The following ITFG1 variants were observed in gnomAD, a reference collection of about 807,000 sequenced individuals.
ITFG1 encodes T-cell immunomodulatory protein.
A neutral mutation model predicts 81.8 loss-of-function variants in ITFG1; 34 were observed. That is an observed-to-expected ratio of 0.42 (90% CI 0.32 to 0.55). ITFG1 has a LOEUF of 0.55. ITFG1 is among the 20% of genes least tolerant of loss of function. The pLI is 0.17. For synonymous variants in ITFG1, 285 were observed against 270.6 expected, an observed-to-expected ratio of 1.05 and a Z score of -0.52; for missense variants, 672 against 755.4, an observed-to-expected ratio of 0.89 and a Z score of 1.29.
At chr16:47,320,079 G>A (rs779626463) in intron 8 of ITFG1, among the ~76,000 whole-genome samples, 1 of 152,148 alleles carries the variant, frequency 6.6e-6, no homozygotes, top group African/African-American at 2.4e-5. Context: ...GTGCCACCAC[G>A]CCCAGCAGAG....
At chr16:47,310,527 C>T (rs1001264462) in intron 10 of ITFG1, among the ~76,000 whole-genome samples, 8 of 152,104 alleles carry the variant, frequency 5.3e-5, no homozygotes, top group African/African-American at 1.9e-4. Flanking sequence ...ATGAGTTTAA[C>T]TACATTGGTT....
At chr16:47,428,409 A>G (rs1969050655) in intron 6 of ITFG1, among the ~76,000 whole-genome samples, 1 of 152,198 alleles carries the variant, frequency 6.6e-6, no homozygotes. Context: ...ATTTTCCATG[A>G]TAACAAGTTT....
At chr16:47,319,653 G>A (rs932739868) in intron 8 of ITFG1, among the ~76,000 whole-genome samples, 1 of 152,024 alleles carries the variant, frequency 6.6e-6, no homozygotes, top group African/African-American at 2.4e-5. Context: ...AACTGACCAC[G>A]TTTCTTGTTC....
intron 11 of ITFG1, among the ~76,000 whole-genome samples, chr16:47,259,943 T>TC: frequency 6.6e-6 from 1 of 151,452 alleles, no homozygotes; most frequent in East Asian, 1.9e-4. Flanking sequence ...GTAAATTTTT[T>TC]TTTTTTTTTT....
intron 13 of ITFG1, among the ~76,000 whole-genome samples, chr16:47,234,506 G>A (rs1257918144): frequency 6.6e-6 from 1 of 152,050 alleles, no homozygotes; most frequent in Non-Finnish European, 1.5e-5. Flanking sequence ...AATAATGATT[G>A]AGCAATTTCC....
chr16:47,310,457 T>A (rs1458166910), intron 10 of ITFG1, among the ~76,000 whole-genome samples: 1 of 152,182 alleles, frequency 6.6e-6, no homozygotes, highest in African/African-American at 2.4e-5. Flanking sequence ...AATAAAACGA[T>A]AAGGTATTAA....
chr16:47,205,531 G>A (rs764903652), intron 14 of ITFG1, among the ~76,000 whole-genome samples: 5 of 152,172 alleles, frequency 3.3e-5, no homozygotes. Flanking sequence ...CCTGGGAGAG[G>A]AGAAAAGGAT....
intron 14 of ITFG1, among the ~76,000 whole-genome samples, chr16:47,198,892 A>G (rs1212299138): frequency 6.6e-6 from 1 of 152,252 alleles, no homozygotes; most frequent in Non-Finnish European, 1.5e-5. Context: ...AAAGGGTCAA[A>G]AAACTAAAAA....
At chr16:47,171,963 G>A (rs902409195) in intron 14 of ITFG1, among the ~76,000 whole-genome samples, 1 of 152,124 alleles carries the variant, frequency 6.6e-6, no homozygotes, top group African/African-American at 2.4e-5. Context: ...AAGGAAAGTA[G>A]TTACCAATGT....
intron 5 of ITFG1, among the ~76,000 whole-genome samples, chr16:47,447,285 A>C (rs1202023724): frequency 2.6e-5 from 4 of 152,174 alleles, no homozygotes; most frequent in Non-Finnish European, 5.9e-5. Context: ...TGTTACTATC[A>C]ATTTTTTTTG....
At chr16:47,215,998 A>C (rs1233269729) in intron 14 of ITFG1, among the ~76,000 whole-genome samples, 1 of 152,190 alleles carries the variant, frequency 6.6e-6, no homozygotes, top group African/African-American at 2.4e-5. Context: ...ACAGGTAAAT[A>C]TTAGATATGA....
chr16:47,237,977 A>G lies in ITFG1; in HGVS notation c.1362T>C (p.Pro454=). Residue 454 remains proline (P), a synonymous_variant, in exon 13 of 18, where the codon CCT becomes CCC. Transcript: ENST00000320640. ...TAAATTTACTTACTGTTATCTTACG[A>G]GGACAGTCATTAGAACACAGACCAC... ...VLSGLCSNDC[P]RKITPFGVNQ... 6.9e-7 allele frequency: 1 copy of G among 1,452,866 alleles called. No homozygotes were observed. Among genetic ancestry groups the G allele is most frequent in the Non-Finnish European group, 9.4e-7 (1 of 1,063,092 alleles). The allele number at this position is 1,452,866 out of a possible 1,614,324, so 90.0% of individuals were successfully genotyped here.
chr16:47,306,966 C>T (rs936976667), intron 10 of ITFG1, among the ~76,000 whole-genome samples: 2 of 151,230 alleles, frequency 1.3e-5, no homozygotes, highest in South Asian at 2.1e-4. Context: ...TGGTGGCGGG[C>T]GCCTCTAGTC....
chr16:47,156,266 G>A (rs544549259), intron 17 of ITFG1, among the ~76,000 whole-genome samples: 8 of 152,096 alleles, frequency 5.3e-5, no homozygotes, highest in East Asian at 3.9e-4. Context: ...GTGAAACCCC[G>A]TCTCTACCAA....
chr16:47,325,649 C>A (rs1349810394), intron 8 of ITFG1, among the ~76,000 whole-genome samples: 3 of 152,104 alleles, frequency 2.0e-5, no homozygotes, highest in African/African-American at 7.2e-5. Context: ...GATATCACCA[C>A]CGATCCCACA....
chr16:47,276,475 A>G (rs910373970), intron 10 of ITFG1, among the ~76,000 whole-genome samples: 10 of 152,202 alleles, frequency 6.6e-5, no homozygotes, highest in African/African-American at 1.9e-4. Context: ...ATGTAATCAA[A>G]TCAATCAAGA....
At chr16:47,160,613 C>G (rs542476447) in intron 16 of ITFG1, among the ~76,000 whole-genome samples, 2 of 152,118 alleles carry the variant, frequency 1.3e-5, no homozygotes, top group South Asian at 4.1e-4. Flanking sequence ...AGGACTATAA[C>G]TGTTTCAATG....
At chr16:47,455,177 C>A (rs747591734) in intron 2 of ITFG1, among the ~76,000 whole-genome samples, 32 of 152,230 alleles carry the variant, frequency 2.1e-4, no homozygotes, top group Non-Finnish European at 3.8e-4. Flanking sequence ...ACATGCAGGG[C>A]AAAAGATAGT....
At chr16:47,388,474 T>C (rs1236368944) in intron 6 of ITFG1, among the ~76,000 whole-genome samples, 1 of 152,096 alleles carries the variant, frequency 6.6e-6, no homozygotes, top group African/African-American at 2.4e-5. Context: ...ATTCATCACA[T>C]AGAAGAGAAT....
Sources: gnomAD v4.1 joint callset for allele counts (sites outside exome capture counted in the v4.1 genomes callset) on GRCh38, gnomAD v4.1.1 for gene constraint, MANE v1.5 for transcripts, NCBI Gene and HGNC (gene_info 2026-07-23, HGNC 2026-07-21) for gene names.